Variants in ENPP3 observed in about 807,000 individuals in gnomAD.
ENPP3 encodes ectonucleotide pyrophosphatase/phosphodiesterase 3.
A neutral mutation model predicts 117.8 loss-of-function variants in ENPP3; 104 were observed. The ratio of observed to expected loss-of-function variants is 0.88; its 90% CI spans 0.75 to 1.04. ENPP3 has a LOEUF of 1.04. Among genes scored for constraint, ENPP3 ranks in the 50% least tolerant of loss-of-function variants. The pLI, the probability that ENPP3 is intolerant of heterozygous loss-of-function variation, is 0.00. For missense variants in ENPP3, 1,026 were observed against 1,051.9 expected (o/e 0.98, Z 0.34); for synonymous variants, 380 against 349.9 (o/e 1.09, Z -0.96).
At chr6:131,709,679 T>C (rs1290616255) in intron 15 of ENPP3, 1 of 1,613,294 alleles carries the variant, frequency 6.2e-7, no homozygotes, top group Admixed American at 1.7e-5. Context: ...AAATGAACAG[T>C]TCTCTCCAAT....
chr6:131,670,402 C>T (rs1265883713), intron 6 of ENPP3, among the ~76,000 whole-genome samples: 1 of 152,210 alleles, frequency 6.6e-6, no homozygotes, highest in Non-Finnish European at 1.5e-5. Context: ...GGCTGTGGCC[C>T]ATAGGCCAAA....
intron 15 of ENPP3, among the ~76,000 whole-genome samples, chr6:131,706,858 T>TTG (rs1779649908): frequency 6.7e-6 from 1 of 149,326 alleles, no homozygotes; most frequent in Admixed American, 6.7e-5. Context: ...ATACATATCT[T>TTG]TATATATATA....
chr6:131,727,322 G>A (rs566923372), intron 20 of ENPP3, among the ~76,000 whole-genome samples: 9 of 152,210 alleles, frequency 5.9e-5, no homozygotes, highest in African/African-American at 1.7e-4. Flanking sequence ...TTGGGAGGCC[G>A]AGGCAGGTGG....
chr6:131,734,340 T>C (rs1484083338), intron 21 of ENPP3, among the ~76,000 whole-genome samples: 1 of 152,122 alleles, frequency 6.6e-6, no homozygotes, highest in Non-Finnish European at 1.5e-5. Flanking sequence ...CTAGTGTGAT[T>C]TTCCTAAAAC....
At chr6:131,720,092 A>C (rs771496749) in intron 16 of ENPP3, among the ~76,000 whole-genome samples, 200 bp from the exon 17 acceptor site, 4 of 152,186 alleles carry the variant, frequency 2.6e-5, no homozygotes, top group Non-Finnish European at 5.9e-5. Context: ...TAAATACAGC[A>C]CTGATTATAT....
chr6:131,654,630 A>G (rs1034889678), intron 5 of ENPP3, among the ~76,000 whole-genome samples: 3 of 152,212 alleles, frequency 2.0e-5, no homozygotes, highest in Non-Finnish European at 2.9e-5. Context: ...TTTTGTAGAG[A>G]CAGTGTTTTT....
intron 2 of ENPP3, among the ~76,000 whole-genome samples, chr6:131,641,758 A>G (rs111494333): frequency 1.2e-4 from 15 of 129,068 alleles, no homozygotes; most frequent in African/African-American, 4.5e-4. Flanking sequence ...TTTGAGACTC[A>G]TTATCATTCC....
intron 15 of ENPP3, among the ~76,000 whole-genome samples, chr6:131,712,578 C>G (rs1779811467): frequency 7.7e-6 from 1 of 129,184 alleles, no homozygotes; most frequent in Admixed American, 7.7e-5. Context: ...CTTATGCTTT[C>G]TGTATCCCAG....
rs1779063579 is a variant in ENPP3, at chr6:131,683,138, A to G, written c.1096A>G (p.Asn366Asp). The change falls in exon 12 of 25, where the codon AAT becomes GAT. Residue 366 changes from asparagine (N) to aspartate (D), a missense_variant. Transcript: ENST00000357639. ...GCAGCGGAATTTGCACAACTGTGTC[A>G]ATATCATCCTTCTGGCTGACCATGG... is the stretch of plus-strand genomic sequence containing the variant. ...LKQRNLHNCV[N>D]IILLADHGMD... is the part of the protein sequence containing the mutation. 1.9e-6 allele frequency: 3 copies of G among 1,604,770 alleles called. No homozygotes were observed. Among genetic ancestry groups the G allele is most frequent in the African/African-American group, 1.3e-5 (1 of 74,848 alleles).
intron 15 of ENPP3, among the ~76,000 whole-genome samples, chr6:131,716,704 C>T (rs1779895790): frequency 6.6e-6 from 1 of 150,740 alleles, no homozygotes; most frequent in Non-Finnish European, 1.5e-5. Context: ...TGTGGTGGCT[C>T]ATGCCTGTAA....
chr6:131,734,079 C>T (rs1780344474), intron 21 of ENPP3, among the ~76,000 whole-genome samples: 1 of 152,180 alleles, frequency 6.6e-6, no homozygotes, highest in Non-Finnish European at 1.5e-5. Context: ...TACAGCTGTG[C>T]CCGTGAAAAG....
chr6:131,733,257 T>C (rs73554744), intron 20 of ENPP3, among the ~76,000 whole-genome samples: 2,655 of 152,258 alleles, frequency 0.017, 83 homozygotes, highest in African/African-American at 0.061. Context: ...AAAAGTACAA[T>C]ATACATCACC....
At chr6:131,739,540 A>C (rs1780478554) in intron 23 of ENPP3, among the ~76,000 whole-genome samples, 1 of 151,264 alleles carries the variant, frequency 6.6e-6, no homozygotes, top group Admixed American at 6.6e-5. Context: ...CACTACTGTG[A>C]AGTATGAAGT....
intron 1 of ENPP3, among the ~76,000 whole-genome samples, chr6:131,638,276 T>A (rs913190906): frequency 2.6e-5 from 4 of 152,204 alleles, no homozygotes; most frequent in Admixed American, 6.5e-5. Flanking sequence ...GCTTCTACCA[T>A]GACATTGACA....
chr6:131,666,045 T>G (rs1403498216), intron 6 of ENPP3, among the ~76,000 whole-genome samples: 1 of 152,190 alleles, frequency 6.6e-6, no homozygotes, highest in Non-Finnish European at 1.5e-5. Flanking sequence ...TTTCTAGTGT[T>G]ATTCCATTGT....
intron 1 of ENPP3, among the ~76,000 whole-genome samples, chr6:131,640,562 A>T (rs1778020750): frequency 6.6e-6 from 1 of 152,216 alleles, no homozygotes; most frequent in South Asian, 2.1e-4. Context: ...AAAATAATTT[A>T]TGTACTTCTT....
chr6:131,684,623 G>T (rs1779108751), intron 12 of ENPP3, among the ~76,000 whole-genome samples: 2 of 151,656 alleles, frequency 1.3e-5, no homozygotes, highest in African/African-American at 4.9e-5. Flanking sequence ...AGGCTGCAGT[G>T]CAGTGAAGCG....
intron 14 of ENPP3, among the ~76,000 whole-genome samples, chr6:131,687,095 G>A (rs1359689958): frequency 6.6e-6 from 1 of 152,186 alleles, no homozygotes; most frequent in East Asian, 1.9e-4. Context: ...TCTCTAGACT[G>A]CTTTCCACAG....
At chr6:131,680,119 A>C (rs1007148946) in intron 11 of ENPP3, among the ~76,000 whole-genome samples, 2 of 152,190 alleles carry the variant, frequency 1.3e-5, no homozygotes, top group African/African-American at 4.8e-5. Context: ...GAGTTGGAGG[A>C]AGCAGGGGAA....
Sources: gnomAD v4.1 joint callset for allele counts (sites outside exome capture counted in the v4.1 genomes callset) on GRCh38, gnomAD v4.1.1 for gene constraint, MANE v1.5 for transcripts, NCBI Gene and HGNC (gene_info 2026-07-23, HGNC 2026-07-21) for gene names.